PSMD12: variants seen among roughly 807,000 people sequenced by gnomAD.
The protein encoded by PSMD12 is 26S proteasome non-ATPase regulatory subunit 12.
Under a neutral mutation model 62.9 loss-of-function variants are expected in PSMD12, and 8 were observed. The observed-to-expected ratio is 0.13, with a 90% CI of 0.07 to 0.23. The LOEUF (loss-of-function observed/expected upper bound fraction) is 0.23, where lower values mean the gene tolerates loss of function less well. PSMD12 is among the 10% of genes least tolerant of loss of function. The probability of loss-of-function intolerance (pLI) is 1.00; values close to 1 mark genes in which losing one functional copy is unlikely to be tolerated. For missense variants in PSMD12, 424 were observed against 550.2 expected, an observed-to-expected ratio of 0.77 and a Z score of 2.29; for synonymous variants, 173 against 187.4, an observed-to-expected ratio of 0.92 and a Z score of 0.63.
At chr17:67,359,767 TCTC>T (rs2042112789) in intron 1 of PSMD12, among the ~76,000 whole-genome samples, 1 of 152,114 alleles carries the variant, frequency 6.6e-6, no homozygotes, top group Admixed American at 6.6e-5. Flanking sequence ...GAGCCCTAGT[TCTC>T]CTTTCTCTGA....
At chr17:67,362,934 C>A (rs2042146593) in intron 1 of PSMD12, 1 of 152,316 alleles carries the variant, frequency 6.6e-6, no homozygotes, top group East Asian at 1.9e-4. Flanking sequence ...ATCATAGCAG[C>A]TGACATTTTA....
chr17:67,364,536 A>G (rs2042162309), intron 1 of PSMD12, among the ~76,000 whole-genome samples: 1 of 152,240 alleles, frequency 6.6e-6, no homozygotes, highest in African/African-American at 2.4e-5. Flanking sequence ...TGCAAACAGT[A>G]GACTGGTATT....
intron 1 of PSMD12, among the ~76,000 whole-genome samples, chr17:67,359,376 G>GC: frequency 6.6e-6 from 1 of 152,154 alleles, no homozygotes; most frequent in East Asian, 1.9e-4. Context: ...TTTTTAAAAT[G>GC]CATTTATTTA....
rs1015710281 is a variant in PSMD12, at chr17:67,353,308, T to TC, written c.298-2973dup. Among the ~76,000 whole-genome samples, 329 of 150,704 alleles carry TC rather than the reference T, an allele frequency of 2.2e-3. 2 individuals are homozygous for TC. Among genetic ancestry groups the TC allele is most frequent in the African/African-American group, 7.4e-3 (304 of 40,938 alleles). On this transcript the variant is annotated intron_variant, in intron 3 of 10. Coordinates refer to ENST00000356126, the MANE Select transcript of PSMD12 (RefSeq NM_002816.5). ...TCCTTCCTTTCCTTCCCTTCCTCCT[T>TC]CCCCCCGCTCCCTCTCTCTTTCTTT... is the stretch of plus-strand genomic sequence containing the variant.
intron 1 of PSMD12, among the ~76,000 whole-genome samples, chr17:67,360,390 G>A (rs543671252): frequency 6.6e-6 from 1 of 152,270 alleles, no homozygotes; most frequent in Admixed American, 6.5e-5. Context: ...TTCTTACAAA[G>A]GCATTTTTGG....
At chr17:67,359,351 T>C (rs1227218201) in intron 1 of PSMD12, among the ~76,000 whole-genome samples, 2 of 152,194 alleles carry the variant, frequency 1.3e-5, no homozygotes, top group Non-Finnish European at 2.9e-5. Flanking sequence ...TGAGACCTGG[T>C]CTCTAGATAA....
chr17:67,350,237 C>T lies in PSMD12; in HGVS notation c.397G>A (p.Glu133Lys), dbSNP rs1021631123. The change falls in exon 4 of 11, where the codon GAA becomes AAA. Residue 133 changes from glutamate (E) to lysine (K), a missense_variant. Physicochemically the swap from Glu to Lys is moderately conservative, Grantham distance 56. Transcript: ENST00000356126. ...RLIDTLRMVT[E>K]GKIYVEIERA... The stretch of plus-strand genomic sequence containing the variant: ...GTCAACAGAAAATTTACCTTGCCTT[C>T]GGTAACCATTCGTAGAGTATCAATT... 3.7e-6 allele frequency: 6 copies of T among 1,600,520 alleles called. No individual in the cohort carries two copies. The highest frequency in any genetic ancestry group is 2.7e-5 in the African/African-American group (2 of 74,398).
At chr17:67,364,427 GT>G (rs1004151529) in intron 1 of PSMD12, among the ~76,000 whole-genome samples, 1 of 152,224 alleles carries the variant, frequency 6.6e-6, no homozygotes, top group Admixed American at 6.5e-5. Flanking sequence ...AACTGTAGCA[GT>G]GAAGTCTTTT....
At chr17:67,348,413 T>C (rs2041987903) in intron 5 of PSMD12, 137 bp downstream of exon 5, 1 of 712,858 alleles carries the variant, frequency 1.4e-6, no homozygotes, top group Non-Finnish European at 2.4e-6. Flanking sequence ...AAAGATGCCA[T>C]TCACAGGCTT....
intron 8 of PSMD12, 97 bp downstream of exon 8, chr17:67,345,648 A>G: frequency 1.0e-6 from 1 of 968,802 alleles, no homozygotes; most frequent in Non-Finnish European, 1.6e-6. Flanking sequence ...ATCTCAAAAA[A>G]AGAAGTATAC....
chr17:67,344,795 C>T lies in PSMD12; in HGVS notation c.909-15G>A, dbSNP rs758060682. The T allele has an allele frequency of 7.8e-6, 12 of 1,530,956 alleles. No homozygotes were observed. In the Admixed American group the frequency reaches 2.4e-4, roughly 30 times the overall value. The allele number at this position is 1,530,956 out of a possible 1,614,324, so 94.8% of individuals were successfully genotyped here. A position where few individuals can be genotyped will look rare whatever the true frequency, so the allele number is the denominator to read the frequency against. ...TTAAAAGATCCCTGAAAATTGTATA[C>T]ATCTTAATATTCCAAATCTGTAAAA... On this transcript the variant is annotated splice_polypyrimidine_tract_variant and intron_variant, in intron 8 of 10. Transcript: ENST00000356126.
At position 67,345,872 on chromosome 17, in the gene PSMD12, C is replaced by T. The variant is rs1384273754; in HGVS notation, c.796-15G>A. 6.3e-7 allele frequency: 1 copy of T among 1,584,816 alleles called. No homozygotes were observed. The highest frequency in any genetic ancestry group is 8.7e-7 in the Non-Finnish European group (1 of 1,153,880). On this transcript the variant is annotated splice_polypyrimidine_tract_variant and intron_variant, in intron 7 of 10. Transcript: ENST00000356126. Reference sequence around the variant, plus strand: ...CTCTTCAGAGCCTAAAAGAGTTGTACAACAAGTTATATGCAAGACTGGACA... The same window carrying T: ...CTCTTCAGAGCCTAAAAGAGTTGTATAACAAGTTATATGCAAGACTGGACA...
At chr17:67,357,641 A>C in intron 1 of PSMD12, 63 bp from the exon 2 acceptor site, 1 of 1,508,092 alleles carries the variant, frequency 6.6e-7, no homozygotes, top group Non-Finnish European at 9.2e-7. Flanking sequence ...CTAGTCTAAA[A>C]TGAAATGGTT....
At chr17:67,348,989 G>C (rs905812603) in intron 4 of PSMD12, among the ~76,000 whole-genome samples, 7 of 152,050 alleles carry the variant, frequency 4.6e-5, no homozygotes, top group Non-Finnish European at 1.0e-4. Flanking sequence ...GAGTGAGACT[G>C]TCTCAAAAAA....
At chr17:67,343,571 T>C (rs2041935267) in intron 9 of PSMD12, among the ~76,000 whole-genome samples, 1 of 152,206 alleles carries the variant, frequency 6.6e-6, no homozygotes, top group Non-Finnish European at 1.5e-5. Flanking sequence ...CATTTCTCCA[T>C]GTAGAACTAC....
At chr17:67,366,222 T>C (rs2042177493) in intron 1 of PSMD12, among the ~76,000 whole-genome samples, 190 bp downstream of exon 1, 2 of 152,182 alleles carry the variant, frequency 1.3e-5, no homozygotes, top group African/African-American at 2.4e-5. Flanking sequence ...TCTGGGAAGC[T>C]ATAGGCGCTG....
chr17:67,357,363 T>C lies in PSMD12; in HGVS notation c.237A>G (p.Glu79=). The change falls in exon 3 of 11, where the codon GAA becomes GAG. Residue 79 remains glutamate (E), a synonymous_variant. Coordinates refer to ENST00000356126, the MANE Select transcript of PSMD12 (RefSeq NM_002816.5). ...TAATATTTTCATTAAGTAAATCCCA[T>C]TCTTTAGCCTCATAGCACATCTTCA... The part of the protein sequence containing the change: ...AVVKMCYEAK[E]WDLLNENIML... 1 of 1,613,774 alleles carries C rather than the reference T, an allele frequency of 6.2e-7. No homozygotes were observed. The highest frequency in any genetic ancestry group is 8.5e-7 in the Non-Finnish European group (1 of 1,179,770).
intron 3 of PSMD12, among the ~76,000 whole-genome samples, 170 bp from the exon 4 acceptor site, chr17:67,350,506 G>A (rs1256107100): frequency 6.6e-6 from 1 of 152,104 alleles, no homozygotes; most frequent in Non-Finnish European, 1.5e-5. Flanking sequence ...AAAAAGTACC[G>A]AGTACCCCGT....
At chr17:67,350,803 G>T (rs1156290504) in intron 3 of PSMD12, among the ~76,000 whole-genome samples, 2 of 152,290 alleles carry the variant, frequency 1.3e-5, no homozygotes, top group South Asian at 4.1e-4. Flanking sequence ...TTCCTCACAG[G>T]TTATATCAAG....
Sources: allele counts gnomAD v4.1 joint callset (sites outside exome capture counted in the v4.1 genomes callset), GRCh38; gene constraint gnomAD v4.1.1; transcripts MANE v1.5; gene names NCBI Gene and HGNC (gene_info 2026-07-23, HGNC 2026-07-21).